The following TAFA1 variants were observed in gnomAD, a reference collection of about 807,000 sequenced individuals.
The protein encoded by TAFA1 is TAFA chemokine like family member 1, also known as chemokine-like protein TAFA-1.
In TAFA1, 4 loss-of-function variants were observed where a neutral mutation model predicts 18.5. The ratio of observed to expected loss-of-function variants is 0.22; its 90% CI spans 0.11 to 0.49. The LOEUF (loss-of-function observed/expected upper bound fraction) is 0.49, where lower values mean the gene tolerates loss of function less well. Ranked by LOEUF, TAFA1 falls within the 20% of genes least tolerant of loss-of-function variation. The pLI, the probability that TAFA1 is intolerant of heterozygous loss-of-function variation, is 0.98. For missense variants in TAFA1, 147 were observed against 169.0 expected (o/e 0.87, Z 0.72); for synonymous variants, 56 against 55.2 (o/e 1.01, Z -0.06).
chr3:68,214,035 T>C (rs559336092), intron 2 of TAFA1, among the ~76,000 whole-genome samples: 3 of 152,238 alleles, frequency 2.0e-5, no homozygotes, highest in South Asian at 2.1e-4. Flanking sequence ...TCTACTGCAG[T>C]ATGCCACTGG....
intron 3 of TAFA1, among the ~76,000 whole-genome samples, chr3:68,483,716 T>C (rs2072280329): frequency 2.0e-5 from 3 of 152,208 alleles, no homozygotes; most frequent in Admixed American, 1.3e-4. Flanking sequence ...GGGGCTGATA[T>C]AGGTAAACTT....
chr3:68,317,922 A>G (rs534183225), intron 2 of TAFA1, among the ~76,000 whole-genome samples: 31 of 152,254 alleles, frequency 2.0e-4, no homozygotes, highest in African/African-American at 7.5e-4. Flanking sequence ...GGGAGCCTGT[A>G]AATTATCCTT....
At chr3:68,021,101 G>T (rs1268137490) in intron 2 of TAFA1, among the ~76,000 whole-genome samples, 2 of 137,064 alleles carry the variant, frequency 1.5e-5, no homozygotes, top group Non-Finnish European at 3.1e-5. Context: ...TGAGAGAATT[G>T]CTTGAACCTG....
intron 3 of TAFA1, among the ~76,000 whole-genome samples, chr3:68,466,822 G>A (rs139093536): frequency 5.9e-5 from 9 of 152,194 alleles, no homozygotes; most frequent in African/African-American, 1.7e-4. Flanking sequence ...AGTGTCGGCC[G>A]GTCTGAGAAA....
At chr3:67,994,107 G>C in the TAFA1 span, among the ~76,000 whole-genome samples, 1 of 152,058 alleles carries the variant, frequency 6.6e-6, no homozygotes, top group Non-Finnish European at 1.5e-5. Context: ...ATAAGTTTTG[G>C]GTGTGTCTGT....
chr3:68,167,446 G>A (rs771024778), intron 2 of TAFA1, among the ~76,000 whole-genome samples: 8 of 151,746 alleles, frequency 5.3e-5, no homozygotes, highest in Admixed American at 3.9e-4. Context: ...GCGTGGCGGC[G>A]TGCGCCTGTA....
intron 2 of TAFA1, among the ~76,000 whole-genome samples, chr3:68,072,327 G>A (rs1253886465): frequency 6.6e-6 from 1 of 152,130 alleles, no homozygotes; most frequent in Non-Finnish European, 1.5e-5. Flanking sequence ...GGGAAGTGAG[G>A]TTAGAGAAGT....
chr3:68,328,870 G>A (rs924393261), intron 2 of TAFA1, among the ~76,000 whole-genome samples: 1 of 152,138 alleles, frequency 6.6e-6, no homozygotes, highest in South Asian at 2.1e-4. Flanking sequence ...AAGAAGAAAG[G>A]TGACTAGTGG....
At chr3:68,397,585 G>A (rs1422892147) in intron 2 of TAFA1, among the ~76,000 whole-genome samples, 1 of 152,074 alleles carries the variant, frequency 6.6e-6, no homozygotes, top group African/African-American at 2.4e-5. Context: ...TGGGTTGTTT[G>A]CAAGTCTTTG....
At chr3:68,219,501 C>G (rs2066704076) in intron 2 of TAFA1, among the ~76,000 whole-genome samples, 1 of 152,068 alleles carries the variant, frequency 6.6e-6, no homozygotes, top group African/African-American at 2.4e-5. Context: ...AGTTTGGCCT[C>G]TACATCCAGG....
chr3:68,445,388 T>C (rs1236383337), intron 3 of TAFA1, among the ~76,000 whole-genome samples: 1 of 152,170 alleles, frequency 6.6e-6, no homozygotes, highest in Non-Finnish European at 1.5e-5. Context: ...CACTGAAGGA[T>C]TATCTACTTT....
chr3:68,302,573 T>A (rs988094898), intron 2 of TAFA1, among the ~76,000 whole-genome samples: 8 of 152,152 alleles, frequency 5.3e-5, no homozygotes, highest in African/African-American at 1.7e-4. Flanking sequence ...GAATCTTTGT[T>A]CTCTTATTCA....
intron 2 of TAFA1, among the ~76,000 whole-genome samples, chr3:68,376,097 C>T (rs1439861064): frequency 1.3e-5 from 2 of 152,110 alleles, no homozygotes; most frequent in Non-Finnish European, 1.5e-5. Flanking sequence ...GTCTGCACAA[C>T]TGATCAGGAT....
chr3:68,198,099 A>G (rs907123459), intron 2 of TAFA1, among the ~76,000 whole-genome samples: 2 of 151,714 alleles, frequency 1.3e-5, no homozygotes, highest in Non-Finnish European at 3.0e-5. Context: ...TGCCTTTTCC[A>G]GAAAGTATTA....
chr3:68,432,525 C>A (rs2071196789), intron 3 of TAFA1, among the ~76,000 whole-genome samples: 1 of 151,874 alleles, frequency 6.6e-6, no homozygotes. Context: ...GCTTGTGCAC[C>A]TTTTCCTCAT....
At chr3:68,472,800 A>G (rs890704015) in intron 3 of TAFA1, among the ~76,000 whole-genome samples, 1 of 152,180 alleles carries the variant, frequency 6.6e-6, no homozygotes, top group Non-Finnish European at 1.5e-5. Context: ...AATAAGTGAT[A>G]GCAACTTTTT....
chr3:68,145,704 T>C (rs762964012), intron 2 of TAFA1: 115 of 789,340 alleles, frequency 1.5e-4, no homozygotes, highest in Middle Eastern at 3.6e-4. Flanking sequence ...GTAAAGTTTG[T>C]ATTTTCAATT....
chr3:68,512,532 A>G (rs769345123), intron 3 of TAFA1, among the ~76,000 whole-genome samples: 2 of 152,134 alleles, frequency 1.3e-5, no homozygotes, highest in Admixed American at 6.6e-5. Flanking sequence ...GAATTGGCTA[A>G]TAATTCTTAC....
At chr3:68,459,624 T>G (rs565154637) in intron 3 of TAFA1, among the ~76,000 whole-genome samples, 2 of 152,324 alleles carry the variant, frequency 1.3e-5, no homozygotes, top group South Asian at 4.1e-4. Context: ...TTATGGGAGC[T>G]GAATGAAAGT....
Sources: gnomAD v4.1 joint callset for allele counts (sites outside exome capture counted in the v4.1 genomes callset) on GRCh38, gnomAD v4.1.1 for gene constraint, MANE v1.5 for transcripts, NCBI Gene and HGNC (gene_info 2026-07-23, HGNC 2026-07-21) for gene names.